Variants in CTNNA3 observed in about 807,000 individuals in gnomAD.
The protein encoded by CTNNA3 is catenin alpha-3.
Under a neutral mutation model 95.7 loss-of-function variants are expected in CTNNA3, and 76 were observed. The ratio of observed to expected loss-of-function variants is 0.79; its 90% confidence interval spans 0.66 to 0.96. The LOEUF (loss-of-function observed/expected upper bound fraction) is 0.96, where lower values mean the gene tolerates loss of function less well. Ranked by LOEUF, CTNNA3 falls within the 40% of genes least tolerant of loss-of-function variation. The pLI, the probability that CTNNA3 is intolerant of heterozygous loss-of-function variation, is 0.00. For missense variants in CTNNA3, 1,191 were observed against 1,089.8 expected (o/e 1.09, Z -1.31); for synonymous variants, 431 against 374.4 (o/e 1.15, Z -1.74).
rs59003281 is a variant in CTNNA3 at position 66,328,933 on chromosome 10, T to TATATATATATATATATATATATATAC, written c.1733-48313_1733-48312insGTATATATATATATATATATATATAT. ...ATACATATATATATATATATATATA[T>TATATATATATATATATATATATATAC]ACACACACACATATAAATATAATTT... On this transcript the variant is annotated intron_variant, in intron 12 of 17. Transcript: ENST00000433211. Among the ~76,000 whole-genome samples the TATATATATATATATATATATATATAC allele has an allele frequency of 3.6e-3, 412 of 114,928 alleles. 4 individuals are homozygous for TATATATATATATATATATATATATAC. The highest frequency in any genetic ancestry group is 5.3e-3 in the East Asian group (18 of 3,398). The allele number at this position is 114,928 out of a possible 152,430, so 75.4% of individuals were successfully genotyped here.
rs545221050 is a variant in CTNNA3, at chr10:66,185,665, G to A, written c.1885-82416C>T. On this transcript the variant is annotated intron_variant, in intron 13 of 17. Transcript: ENST00000433211. ...ATGAATTCCAAAGTCCCAGGTTCCT[G>A]TAGGTTTTCAGCTTTACAGAAATGA... Among the ~76,000 whole-genome samples the A allele has an allele frequency of 2.6e-5, 4 of 152,048 alleles. No homozygotes were observed. The South Asian group carries it at 6.2e-4, about 24-fold the overall frequency.
At chr10:67,638,382 A>G (rs1213943909) in intron 2 of CTNNA3, among the ~76,000 whole-genome samples, 3 of 152,186 alleles carry the variant, frequency 2.0e-5, no homozygotes, top group African/African-American at 7.2e-5. Context: ...ACCTATAAAG[A>G]GACTTAGACT....
chr10:67,178,757 G>GT (rs1862363630), intron 7 of CTNNA3, among the ~76,000 whole-genome samples: 1 of 151,574 alleles, frequency 6.6e-6, no homozygotes, highest in African/African-American at 2.4e-5. Flanking sequence ...AATAATAATT[G>GT]TAACAGTTTG....
chr10:66,058,376 A>T (rs769946109), intron 15 of CTNNA3, among the ~76,000 whole-genome samples: 28 of 152,156 alleles, frequency 1.8e-4, no homozygotes, highest in Non-Finnish European at 3.7e-4. Flanking sequence ...TCCAGTGGGA[A>T]GTATGCACAG....
intron 11 of CTNNA3, among the ~76,000 whole-genome samples, chr10:66,498,656 C>T (rs984424775): frequency 5.9e-5 from 9 of 152,196 alleles, no homozygotes; most frequent in Admixed American, 1.3e-4. Flanking sequence ...GGCACGTAAA[C>T]CTTTAGCACT....
At chr10:66,402,855 A>G (rs117545445) in intron 11 of CTNNA3, among the ~76,000 whole-genome samples, 5,414 of 152,206 alleles carry the variant, frequency 0.036, 121 homozygotes, top group Non-Finnish European at 0.05. Flanking sequence ...CACCTAAGGG[A>G]TCCACTGGCA....
intron 7 of CTNNA3, among the ~76,000 whole-genome samples, chr10:66,814,953 G>A (rs1842017731): frequency 6.7e-6 from 1 of 149,336 alleles, no homozygotes; most frequent in Non-Finnish European, 1.5e-5. Flanking sequence ...CTGGGTTCAA[G>A]CGATTCTCTT....
intron 13 of CTNNA3, among the ~76,000 whole-genome samples, chr10:66,174,444 CT>C (rs1326947689): frequency 2.0e-5 from 3 of 151,994 alleles, no homozygotes; most frequent in African/African-American, 7.2e-5. Context: ...GTGCAAAACA[CT>C]GACGCTGCAT....
intron 11 of CTNNA3, among the ~76,000 whole-genome samples, chr10:66,444,651 C>T (rs1589259670): frequency 6.6e-6 from 1 of 152,054 alleles, no homozygotes; most frequent in Non-Finnish European, 1.5e-5. Flanking sequence ...ACCAGGCCTG[C>T]CCTAAAAGAG....
intron 6 of CTNNA3, among the ~76,000 whole-genome samples, chr10:67,185,550 T>C (rs1862798497): frequency 6.6e-6 from 1 of 152,182 alleles, no homozygotes; most frequent in African/African-American, 2.4e-5. Flanking sequence ...CATTTCTTTT[T>C]CTTTACCCAG....
At chr10:67,476,824 A>G (rs1321668953) in intron 5 of CTNNA3, among the ~76,000 whole-genome samples, 1 of 151,692 alleles carries the variant, frequency 6.6e-6, no homozygotes, top group Admixed American at 6.6e-5. Context: ...ACAGAGTTAC[A>G]GCCTGAGCCA....
At chr10:65,986,765 A>G (rs1341873774) in intron 16 of CTNNA3, among the ~76,000 whole-genome samples, 3 of 151,772 alleles carry the variant, frequency 2.0e-5, no homozygotes, top group Admixed American at 1.3e-4. Context: ...CAATCCTGAG[A>G]AAAACAGCAA....
chr10:67,021,931 T>G (rs1454700001), intron 7 of CTNNA3, among the ~76,000 whole-genome samples: 1 of 152,168 alleles, frequency 6.6e-6, no homozygotes, highest in East Asian at 1.9e-4. Flanking sequence ...CCTGGTAGAA[T>G]AGTCAGAGAA....
At chr10:66,406,226 T>C (rs1223047123) in intron 11 of CTNNA3, among the ~76,000 whole-genome samples, 1 of 152,174 alleles carries the variant, frequency 6.6e-6, no homozygotes, top group Admixed American at 6.6e-5. Flanking sequence ...AGGACCATCA[T>C]TTAGAATGGG....
chr10:66,988,084 A>G (rs1028905989), intron 7 of CTNNA3, among the ~76,000 whole-genome samples: 10 of 152,190 alleles, frequency 6.6e-5, no homozygotes, highest in Non-Finnish European at 2.9e-5. Context: ...CAGAGACTGT[A>G]TAGTATCATG....
At chr10:66,459,375 A>C (rs999353291) in intron 11 of CTNNA3, among the ~76,000 whole-genome samples, 5 of 152,148 alleles carry the variant, frequency 3.3e-5, no homozygotes, top group Admixed American at 1.3e-4. Context: ...ACGGGTCAGC[A>C]ATCCTAACCC....
At chr10:67,762,185 CAAAAAA>C (rs55895053) in intron 1 of CTNNA3, among the ~76,000 whole-genome samples, 4 of 72,316 alleles carry the variant, frequency 5.5e-5, no homozygotes, top group African/African-American at 1.5e-4. Flanking sequence ...ATAAATCAGC[CAAAAAA>C]AAAAAAAAAA....
At chr10:66,116,942 C>T (rs1185981220) in intron 13 of CTNNA3, among the ~76,000 whole-genome samples, 5 of 152,144 alleles carry the variant, frequency 3.3e-5, no homozygotes, top group Admixed American at 6.5e-5. Flanking sequence ...ATCACCACCC[C>T]CCCAGGCCCC....
chr10:66,421,913 T>TATATATATATATATATATATATATATAC (rs2093198673), intron 11 of CTNNA3, among the ~76,000 whole-genome samples: 1 of 145,324 alleles, frequency 6.9e-6, no homozygotes, highest in African/African-American at 2.6e-5. Flanking sequence ...TATATATATA[T>TATATATATATATATATATATATATATAC]ATACACACAC....
Sources: allele counts gnomAD v4.1 joint callset (sites outside exome capture counted in the v4.1 genomes callset), GRCh38; gene constraint gnomAD v4.1.1; transcripts MANE v1.5; gene names NCBI Gene and HGNC (gene_info 2026-07-23, HGNC 2026-07-21).